ASB17: variants seen among roughly 807,000 people sequenced by gnomAD.
ASB17 encodes the protein ankyrin repeat and SOCS box protein 17.
Under a neutral mutation model 25.7 loss-of-function variants are expected in ASB17, and 26 were observed. That is an observed-to-expected ratio of 1.01 (90% CI 0.74 to 1.40). The LOEUF is 1.40. Among genes scored for constraint, ASB17 ranks in the 40% most tolerant of loss-of-function variants. The pLI is 0.00. For missense variants in ASB17, 326 were observed against 338.5 expected, an observed-to-expected ratio of 0.96 and a Z score of 0.29; for synonymous variants, 128 against 121.4, an observed-to-expected ratio of 1.05 and a Z score of -0.36.
At chr1:75,927,960 A>G (rs1170817291) in intron 1 of ASB17, among the ~76,000 whole-genome samples, 2 of 152,162 alleles carry the variant, frequency 1.3e-5, no homozygotes, top group African/African-American at 4.8e-5. Flanking sequence ...AGCTATTACT[A>G]AACTGCTTGT....
intron 1 of ASB17, among the ~76,000 whole-genome samples, chr1:75,925,173 T>C (rs1174058079): frequency 1.3e-5 from 2 of 152,112 alleles, no homozygotes; most frequent in African/African-American, 4.8e-5. Context: ...ACTATATATA[T>C]GTCATAGTAA....
intron 2 of ASB17, 75 bp downstream of exon 2, chr1:75,922,003 CTG>C: frequency 1.6e-6 from 2 of 1,243,870 alleles, no homozygotes; most frequent in Non-Finnish European, 2.2e-6. Flanking sequence ...TAAAAATTAA[CTG>C]TATTCTTTCC....
In ASB17 at chr1:75,932,265, A is replaced by G; in HGVS notation, c.27T>C (p.Gly9=). The G allele has an allele frequency of 5.0e-6, 8 of 1,611,284 alleles. No individual in the cohort carries two copies. The highest frequency in any genetic ancestry group is 6.8e-6 in the Non-Finnish European group (8 of 1,178,666). MSKSTKLC[G]KTSCPRSNIF... Reference sequence around the variant, plus strand: ...TATTGCTTCTTGGACAAGAAGTCTTACCACATAATTTAGTAGATTTACTCA... The same window carrying G: ...TATTGCTTCTTGGACAAGAAGTCTTGCCACATAATTTAGTAGATTTACTCA... The change falls in exon 1 of 3, where the codon GGT becomes GGC. Residue 9 remains glycine (G), a synonymous_variant. Transcript: ENST00000284142.
chr1:75,919,607 G>T (rs948278271), intron 2 of ASB17, among the ~76,000 whole-genome samples: 2 of 151,964 alleles, frequency 1.3e-5, no homozygotes, highest in Admixed American at 6.6e-5. Flanking sequence ...TCATTGTTCA[G>T]TTCCCACCTA....
chr1:75,922,235 T>G lies in ASB17; in HGVS notation c.526A>C (p.Lys176Gln), dbSNP rs770506591. ...GTTAAGACAATGTTGATAGGGTTTT[T>G]TTCTCTTTCTAAGATTCCATATTGC... is the stretch of plus-strand genomic sequence containing the variant. The part of the protein sequence containing the change: ...LLQYGILERE[K>Q]NPINIVLTIV... The change falls in exon 2 of 3, where the codon AAA (lysine) becomes CAA (glutamine). Residue 176 changes from lysine (K) to glutamine (Q), a missense_variant. Lys to Gln is a moderately conservative substitution (Grantham distance 53). Coordinates refer to ENST00000284142, the MANE Select transcript of ASB17 (RefSeq NM_080868.3). 1 of 1,613,714 alleles carries G rather than the reference T, an allele frequency of 6.2e-7. No individual in the cohort carries two copies. Among genetic ancestry groups the G allele is most frequent in the Non-Finnish European group, 8.5e-7 (1 of 1,179,724 alleles).
rs1184713813 is a variant in ASB17, at chr1:75,932,218, T to A, written c.74A>T (p.Lys25Ile). 1 of 1,614,006 alleles carries A rather than the reference T, an allele frequency of 6.2e-7. No homozygotes were observed. Among genetic ancestry groups the A allele is most frequent in the South Asian group, 1.1e-5 (1 of 91,054 alleles). Residue 25 changes from lysine (K) to isoleucine (I), a missense_variant, in exon 1 of 3, where the codon AAA becomes ATA. Transcript: ENST00000284142. ...CTGTAGGGAGGGTCTTTTAACAATT[T>A]TGTCAAGGAGATTGCAGAATATATT... is the stretch of plus-strand genomic sequence containing the variant. ...RSNIFCNLLDKIVKRPSLQFL... is the reference protein window; with the variant it reads ...RSNIFCNLLDIIVKRPSLQFL...
chr1:75,930,299 CTATA>C (rs1653289562), intron 1 of ASB17, among the ~76,000 whole-genome samples: 1 of 142,044 alleles, frequency 7.0e-6, no homozygotes, highest in African/African-American at 2.6e-5. Context: ...ACATATATAA[CTATA>C]TATAACATGT....
intron 1 of ASB17, among the ~76,000 whole-genome samples, chr1:75,929,231 T>A (rs1056689632): frequency 2.6e-5 from 4 of 151,502 alleles, no homozygotes; most frequent in African/African-American, 9.7e-5. Context: ...ATTTATTTTT[T>A]TTTATTTTTT....
chr1:75,928,852 CA>C (rs1384653779), intron 1 of ASB17, among the ~76,000 whole-genome samples: 2 of 152,142 alleles, frequency 1.3e-5, no homozygotes, highest in Admixed American at 6.5e-5. Context: ...AGATAGTGAG[CA>C]AACCAATGAA....
Position 75,932,311 on chromosome 1 carries a change from G to T in ASB17, c.-20C>A, listed in dbSNP as rs774242818. 1 of 1,564,122 alleles carries T rather than the reference G, an allele frequency of 6.4e-7. No homozygotes were observed. The highest frequency in any genetic ancestry group is 8.7e-7 in the Non-Finnish European group (1 of 1,155,022). On this transcript the variant is annotated 5_prime_UTR_variant, in exon 1 of 3. Transcript: ENST00000284142. Reference sequence around the variant, plus strand: ...ACTCATTGTTACTTATAGCAGCACTGTAGAAATAAAATCAGAGGTAAGCAT... The same window carrying T: ...ACTCATTGTTACTTATAGCAGCACTTTAGAAATAAAATCAGAGGTAAGCAT...
At chr1:75,928,469 G>A (rs1458623903) in intron 1 of ASB17, among the ~76,000 whole-genome samples, 15 of 152,030 alleles carry the variant, frequency 9.9e-5, no homozygotes, top group Admixed American at 7.2e-4. Context: ...TCTTCCCCTC[G>A]TTAATTCTAT....
At chr1:75,929,425 G>A (rs1653264371) in intron 1 of ASB17, among the ~76,000 whole-genome samples, 1 of 151,210 alleles carries the variant, frequency 6.6e-6, no homozygotes, top group Non-Finnish European at 1.5e-5. Flanking sequence ...TAGAGACAGG[G>A]TTTCACCATG....
intron 2 of ASB17, among the ~76,000 whole-genome samples, chr1:75,921,066 GC>G (rs1243612170): frequency 6.6e-6 from 1 of 152,044 alleles, no homozygotes; most frequent in Admixed American, 6.6e-5. Flanking sequence ...GAGCCACTGC[GC>G]CCGGCCTGTC....
chr1:75,921,993 T>G, intron 2 of ASB17, 87 bp downstream of exon 2: 1 of 1,184,624 alleles, frequency 8.4e-7, no homozygotes, highest in Non-Finnish European at 1.2e-6. Context: ...TTCTATAAAT[T>G]AAAAATTAAC....
At chr1:75,924,051 G>A (rs1344312354) in intron 1 of ASB17, among the ~76,000 whole-genome samples, 1 of 152,034 alleles carries the variant, frequency 6.6e-6, no homozygotes, top group Non-Finnish European at 1.5e-5. Context: ...GCACTGAGGA[G>A]GGGTACTTAA....
rs767844980 is a variant in ASB17 at position 75,922,297 on chromosome 1, G to T, written c.464C>A (p.Ala155Asp). 1.2e-6 allele frequency: 2 copies of T among 1,613,208 alleles called. No individual in the cohort carries two copies. The highest frequency in any genetic ancestry group is 3.3e-5 in the Admixed American group (2 of 59,994). The change falls in exon 2 of 3, where the codon GCT becomes GAT. Residue 155 changes from alanine (A) to aspartate (D), a missense_variant. By Grantham distance (126) the Ala-to-Asp change is moderately radical. Coordinates refer to ENST00000284142, the MANE Select transcript of ASB17 (RefSeq NM_080868.3). ...LSGITPLFYV[A>D]QTRQSNIFKI... ...GAAGATATTAGACTGTCTTGTCTGA[G>T]CTACATAAAAGAGAGGTGTGATGCC...
chr1:75,922,557 C>T (rs1382735311), intron 1 of ASB17, among the ~76,000 whole-genome samples, 198 bp from the exon 2 acceptor site: 4 of 119,842 alleles, frequency 3.3e-5, no homozygotes, highest in South Asian at 2.8e-4. Context: ...AGTGCAAAGG[C>T]ACGATCTCTG....
At chr1:75,929,057 T>C (rs1016713569) in intron 1 of ASB17, among the ~76,000 whole-genome samples, 1 of 152,004 alleles carries the variant, frequency 6.6e-6, no homozygotes, top group Middle Eastern at 3.2e-3. Context: ...GAGGGAACAG[T>C]ATTATGAGGC....
Position 75,932,325 on chromosome 1 carries a change from A to C in ASB17, c.-34T>G. 2 of 1,540,196 alleles carry C rather than the reference A, an allele frequency of 1.3e-6. No homozygotes were observed. The highest frequency in any genetic ancestry group is 1.8e-6 in the Non-Finnish European group (2 of 1,139,992). ...ATAGCAGCACTGTAGAAATAAAATC[A>C]GAGGTAAGCATACTGTAATCCTCCA... On this transcript the variant is annotated 5_prime_UTR_variant, in exon 1 of 3. Transcript: ENST00000284142.
Sources: gnomAD v4.1 joint callset for allele counts (sites outside exome capture counted in the v4.1 genomes callset) on GRCh38, gnomAD v4.1.1 for gene constraint, MANE v1.5 for transcripts, NCBI Gene and HGNC (gene_info 2026-07-23, HGNC 2026-07-21) for gene names.